The following INIP variants were observed in gnomAD, a reference collection of about 807,000 sequenced individuals.
The protein encoded by INIP is SOSS complex subunit C.
A neutral mutation model predicts 14.0 loss-of-function variants in INIP; 9 were observed. The ratio of observed to expected loss-of-function variants is 0.64; its 90% CI spans 0.39 to 1.12. INIP has a LOEUF of 1.12. Among genes scored for constraint, INIP ranks in the 50% most tolerant of loss-of-function variants. The pLI, the probability that INIP is intolerant of heterozygous loss-of-function variation, is 0.01. For missense variants in INIP, 78 were observed against 122.7 expected (o/e 0.64, Z 1.72); for synonymous variants, 37 against 41.5 (o/e 0.89, Z 0.41).
At chr9:112,700,516 G>T (rs1021899051) in intron 2 of INIP, among the ~76,000 whole-genome samples, 3 of 137,526 alleles carry the variant, frequency 2.2e-5, no homozygotes, top group Admixed American at 2.2e-4. Context: ...TATAAATTAG[G>T]TATATATAAT....
chr9:112,694,064 G>C, intron 3 of INIP, 67 bp downstream of exon 3: 2 of 1,075,532 alleles, frequency 1.9e-6, no homozygotes, highest in South Asian at 2.8e-5. Context: ...GACAGGGCGA[G>C]ACTCCGTCTC....
intron 3 of INIP, among the ~76,000 whole-genome samples, chr9:112,693,449 C>G (rs981535827): frequency 6.6e-6 from 1 of 152,140 alleles, no homozygotes; most frequent in Non-Finnish European, 1.5e-5. Context: ...AGTTTCCCAC[C>G]CCAAGAAGCC....
At chr9:112,714,482 G>A (rs1838744594) in intron 2 of INIP, among the ~76,000 whole-genome samples, 1 of 152,162 alleles carries the variant, frequency 6.6e-6, no homozygotes, top group Non-Finnish European at 1.5e-5. Flanking sequence ...CTTGATAGCA[G>A]CAAATGTGTC....
chr9:112,708,767 G>C (rs561659917), intron 2 of INIP, among the ~76,000 whole-genome samples: 68 of 151,918 alleles, frequency 4.5e-4, no homozygotes, highest in South Asian at 3.1e-3. Flanking sequence ...TATGATCAGG[G>C]CTCACAGCAG....
intron 1 of INIP, among the ~76,000 whole-genome samples, chr9:112,716,940 G>A (rs963995321): frequency 1.3e-5 from 2 of 149,568 alleles, no homozygotes; most frequent in African/African-American, 4.9e-5. Flanking sequence ...GGGCCACAGA[G>A]CGAGACAGCG....
chr9:112,705,763 G>C (rs1838442764), intron 2 of INIP, among the ~76,000 whole-genome samples: 1 of 152,140 alleles, frequency 6.6e-6, no homozygotes, highest in Non-Finnish European at 1.5e-5. Context: ...AGAATGCTTG[G>C]GAATTGGCAA....
At chr9:112,701,758 A>G (rs1838307134) in intron 2 of INIP, 1 of 152,186 alleles carries the variant, frequency 6.6e-6, no homozygotes, top group Non-Finnish European at 1.5e-5. Context: ...AAGAGATACT[A>G]TAAATATAAA....
In INIP at chr9:112,698,042, C is replaced by T. The variant is rs999510157; in HGVS notation, c.26-3809G>A. On this transcript the variant is annotated intron_variant, in intron 2 of 4. Coordinates refer to ENST00000374242, the MANE Select transcript of INIP (RefSeq NM_021218.3). ...AAAGTAGGCTGGGCGCGGTGGCTCA[C>T]GCCTGTAATCCCAGCACTTTGGGAG... Among the ~76,000 whole-genome samples, 18 of 152,004 alleles carry T rather than the reference C, an allele frequency of 1.2e-4. 1 individual carries two copies. The South Asian group carries it at 2.1e-3, about 18-fold the overall frequency.
At position 112,715,236 on chromosome 9, in the gene INIP, A is replaced by C. The variant is rs1838773240; in HGVS notation, c.25+1225T>G. On this transcript the variant is annotated intron_variant, in intron 2 of 4. Transcript: ENST00000374242. ...TAGGGCATTTACCATGCATGGATGCATGGAGCTTTCAGGACTGAAGCTGCT... is the reference window on the plus strand; with the variant it reads ...TAGGGCATTTACCATGCATGGATGCCTGGAGCTTTCAGGACTGAAGCTGCT... Among the ~76,000 whole-genome samples, 2 of 152,026 alleles carry C rather than the reference A, an allele frequency of 1.3e-5. 1 individual carries two copies. The highest frequency in any genetic ancestry group is 1.3e-4 in the Admixed American group (2 of 15,246).
At chr9:112,703,099 CCCT>C (rs1838351014) in intron 2 of INIP, among the ~76,000 whole-genome samples, 1 of 152,050 alleles carries the variant, frequency 6.6e-6, no homozygotes, top group African/African-American at 2.4e-5. Context: ...TCATTCTACC[CCCT>C]CCTCCTCTCA....
chr9:112,696,373 C>T (rs867818077), intron 2 of INIP, among the ~76,000 whole-genome samples: 1 of 152,144 alleles, frequency 6.6e-6, no homozygotes, highest in Non-Finnish European at 1.5e-5. Context: ...CTTATGGATA[C>T]GCCTGTCTCG....
chr9:112,701,629 A>AT lies in INIP; in HGVS notation c.26-7397dup, dbSNP rs1321106626. ...TTCCAAGGGAAATTGGCACTCTCCC[A>AT]TTTGTATATATACAAATTGCACATG... On this transcript the variant is annotated intron_variant, in intron 2 of 4. Coordinates refer to ENST00000374242, the MANE Select transcript of INIP (RefSeq NM_021218.3). 2.6e-5 allele frequency among the ~76,000 whole-genome samples: 4 copies of AT among 152,346 alleles called. No homozygotes were observed. The East Asian group carries it at 7.7e-4, about 29-fold the overall frequency.
intron 1 of INIP, 96 bp downstream of exon 1, chr9:112,717,891 G>T (rs572293413): frequency 6.5e-6 from 1 of 152,706 alleles, no homozygotes; most frequent in Non-Finnish European, 1.5e-5. Flanking sequence ...AGGTCGGAAG[G>T]GAGGTCGCTG....
chr9:112,704,491 A>G (rs1202952026), intron 2 of INIP, among the ~76,000 whole-genome samples: 5 of 152,210 alleles, frequency 3.3e-5, no homozygotes, highest in African/African-American at 1.2e-4. Flanking sequence ...GCAAGAAACT[A>G]ACAGTCTATG....
Position 112,687,345 on chromosome 9 carries a change from G to A in INIP, c.*193C>T, listed in dbSNP as rs1353305976. 6.2e-6 allele frequency: 3 copies of A among 485,918 alleles called. No homozygotes were observed. Among genetic ancestry groups the A allele is most frequent in the African/African-American group, 1.9e-5 (1 of 51,756 alleles). 30.1% of individuals were successfully genotyped at this position (485,918 alleles called of 1,614,324 possible). On this transcript the variant is annotated 3_prime_UTR_variant, in exon 5 of 5. Coordinates refer to ENST00000374242, the MANE Select transcript of INIP (RefSeq NM_021218.3). ...ACGGTACATAATCAATTCCTTGGAC[G>A]ATACAGCTTCCACAGCTCTCATCAT...
rs1309567795 is a variant in INIP, at chr9:112,685,290, C to T, written c.*2248G>A. The T allele has an allele frequency of 2.6e-5, 4 of 151,230 alleles. No individual in the cohort carries two copies. The highest frequency in any genetic ancestry group is 1.3e-4 in the Admixed American group (2 of 15,130). 9.4% of individuals were successfully genotyped at this position (151,230 alleles called of 1,614,324 possible). On this transcript the variant is annotated 3_prime_UTR_variant, in exon 5 of 5. Transcript: ENST00000374242. ...TTTTTTAGTAGAGACAGGGGTCTCA[C>T]TATGTTGCCTAGGCTGTGGCTTGCT...
rs907763478 is a variant in INIP at position 112,716,850 on chromosome 9, G to A, written c.-56-309C>T. Among the ~76,000 whole-genome samples, 12 of 151,938 alleles carry A rather than the reference G, an allele frequency of 7.9e-5. No individual in the cohort carries two copies. The South Asian group carries it at 8.3e-4, about 11-fold the overall frequency. ...AGCGCCTGCAGTCCCAGCTACTCGGGAGGGCGAGACGGGAGAATCACTTGA... is the reference window on the plus strand; with the variant it reads ...AGCGCCTGCAGTCCCAGCTACTCGGAAGGGCGAGACGGGAGAATCACTTGA... On this transcript the variant is annotated intron_variant, in intron 1 of 4. Transcript: ENST00000374242.
At chr9:112,694,507 T>G (rs1006975603) in intron 2 of INIP, among the ~76,000 whole-genome samples, 1 of 152,232 alleles carries the variant, frequency 6.6e-6, no homozygotes, top group Non-Finnish European at 1.5e-5. Context: ...CTTTTAAGAC[T>G]TAGTTCTACA....
At position 112,715,133 on chromosome 9, in the gene INIP, T is replaced by TACACAC. The variant is rs58647648; in HGVS notation, c.25+1322_25+1327dup. ...TAAAATACACACATACATACATACA[T>TACACAC]ACACACACACACACACACACACACA... On this transcript the variant is annotated intron_variant, in intron 2 of 4. Coordinates refer to ENST00000374242, the MANE Select transcript of INIP (RefSeq NM_021218.3). 7.2e-3 allele frequency among the ~76,000 whole-genome samples: 964 copies of TACACAC among 133,474 alleles called. 7 individuals carry two copies. The highest frequency in any genetic ancestry group is 0.023 in the Middle Eastern group (6 of 262). The allele number at this position is 133,474 out of a possible 152,430, so 87.6% of individuals were successfully genotyped here.
Sources: gnomAD v4.1 joint callset for allele counts (sites outside exome capture counted in the v4.1 genomes callset) on GRCh38, gnomAD v4.1.1 for gene constraint, MANE v1.5 for transcripts, NCBI Gene and HGNC (gene_info 2026-07-23, HGNC 2026-07-21) for gene names.